RASAL2: variants seen among roughly 807,000 people sequenced by gnomAD.
RASAL2 encodes the protein ras GTPase-activating protein nGAP.
In RASAL2, 58 loss-of-function variants were observed where a neutral mutation model predicts 128.9. The observed-to-expected ratio is 0.45, with a 90% CI of 0.36 to 0.56. The LOEUF is 0.56. Ranked by LOEUF, RASAL2 falls within the 20% of genes least tolerant of loss-of-function variation. The pLI is 0.00. For synonymous variants in RASAL2, 561 were observed against 580.8 expected (o/e 0.97, Z 0.49); for missense variants, 1,360 against 1,601.6 (o/e 0.85, Z 2.57).
intron 6 of RASAL2, 144 bp downstream of exon 6, chr1:178,439,719 A>G: frequency 1.3e-6 from 1 of 744,962 alleles, no homozygotes; most frequent in Non-Finnish European, 2.0e-6. Flanking sequence ...TTACAGAGAA[A>G]AAGTTAGAAA....
intron 1 of RASAL2, among the ~76,000 whole-genome samples, chr1:178,132,890 T>C (rs904479906): frequency 6.7e-6 from 1 of 149,884 alleles, no homozygotes; most frequent in Non-Finnish European, 1.5e-5. Flanking sequence ...TGCCTCAACC[T>C]CCCAAGTAGC....
chr1:178,209,338 C>A (rs1663172796), intron 1 of RASAL2, among the ~76,000 whole-genome samples: 1 of 152,090 alleles, frequency 6.6e-6, no homozygotes, highest in African/African-American at 2.4e-5. Context: ...AATTAATTTT[C>A]ATTTTGCTGA....
chr1:178,447,764 G>C (rs1405557511), intron 9 of RASAL2, among the ~76,000 whole-genome samples: 1 of 150,556 alleles, frequency 6.6e-6, no homozygotes, highest in African/African-American at 2.5e-5. Flanking sequence ...AGAATAGAGA[G>C]GAAGACGGAT....
intron 1 of RASAL2, among the ~76,000 whole-genome samples, chr1:178,260,451 G>A (rs1360863644): frequency 1.6e-5 from 2 of 127,414 alleles, no homozygotes; most frequent in Non-Finnish European, 3.2e-5. Flanking sequence ...ATTCAAGAAA[G>A]TCTGGCACCT....
intron 3 of RASAL2, among the ~76,000 whole-genome samples, chr1:178,366,585 C>CA (rs1557933515): frequency 2.9e-5 from 2 of 69,260 alleles, no homozygotes; most frequent in African/African-American, 9.1e-5. Context: ...TACCTCCCAC[C>CA]CCCCCCCGCC....
chr1:178,307,296 A>T (rs574941367), intron 3 of RASAL2, among the ~76,000 whole-genome samples: 1 of 152,082 alleles, frequency 6.6e-6, no homozygotes, highest in Non-Finnish European at 1.5e-5. Context: ...ATTTTTTTCC[A>T]CTGAAAATGA....
chr1:178,330,659 A>G (rs1034436565), intron 3 of RASAL2, among the ~76,000 whole-genome samples: 1 of 152,190 alleles, frequency 6.6e-6, no homozygotes, highest in African/African-American at 2.4e-5. Context: ...GAAAAGAAAA[A>G]GATTTCAGAG....
intron 1 of RASAL2, among the ~76,000 whole-genome samples, chr1:178,125,836 TAGC>T (rs1315847497): frequency 6.6e-6 from 1 of 152,230 alleles, no homozygotes; most frequent in Non-Finnish European, 1.5e-5. Context: ...TATTCTAGAA[TAGC>T]AGAGAGTTCA....
intron 1 of RASAL2, among the ~76,000 whole-genome samples, chr1:178,206,016 T>C (rs1187392533): frequency 6.6e-6 from 1 of 152,192 alleles, no homozygotes. Context: ...GACATTGTTA[T>C]CCTGACACTC....
chr1:178,096,718 A>G (rs2102209763), intron 1 of RASAL2, among the ~76,000 whole-genome samples: 1 of 152,130 alleles, frequency 6.6e-6, no homozygotes, highest in Non-Finnish European at 1.5e-5. Context: ...CCAATTGCAG[A>G]CTTACCACTG....
chr1:178,285,372 G>A (rs951447079), intron 2 of RASAL2, among the ~76,000 whole-genome samples: 2 of 151,010 alleles, frequency 1.3e-5, no homozygotes, highest in African/African-American at 2.4e-5. Flanking sequence ...CACCCGCCTC[G>A]GCCTCCCAAA....
At chr1:178,382,804 C>G (rs1557945099) in intron 3 of RASAL2, among the ~76,000 whole-genome samples, 1 of 152,078 alleles carries the variant, frequency 6.6e-6, no homozygotes, top group East Asian at 1.9e-4. Flanking sequence ...TTGTACTTGT[C>G]GTTGTTATGT....
intron 1 of RASAL2, among the ~76,000 whole-genome samples, chr1:178,185,128 T>G (rs765434243): frequency 1.3e-5 from 2 of 151,954 alleles, no homozygotes; most frequent in African/African-American, 2.4e-5. Context: ...TTTTTTTAAT[T>G]TTCAAATTGT....
rs1286008839 is a variant in RASAL2 at position 178,473,061 on chromosome 1, T to A, written c.3679-14T>A. 6.2e-7 allele frequency: 1 copy of A among 1,613,904 alleles called. No homozygotes were observed. Among genetic ancestry groups the A allele is most frequent in the Admixed American group, 1.7e-5 (1 of 60,014 alleles). On this transcript the variant is annotated splice_polypyrimidine_tract_variant and intron_variant, in intron 17 of 17. Transcript: ENST00000367649. ...GCCTGTAGCCTGAATAAAGCCATGA[T>A]TGGTGTGTTGTAGGAAAAACGGATC...
At chr1:178,412,011 T>C in intron 4 of RASAL2, 1 of 525,726 alleles carries the variant, frequency 1.9e-6, no homozygotes, top group Non-Finnish European at 3.5e-6. Context: ...GGTCACCGTC[T>C]GTGAACAAGA....
At chr1:178,144,156 C>T (rs535857873) in intron 1 of RASAL2, among the ~76,000 whole-genome samples, 1 of 152,208 alleles carries the variant, frequency 6.6e-6, no homozygotes, top group East Asian at 1.9e-4. Context: ...TGTTGCTGAG[C>T]CCAGTGGACA....
intron 1 of RASAL2, among the ~76,000 whole-genome samples, chr1:178,235,239 A>G (rs760227830): frequency 2.0e-5 from 3 of 152,144 alleles, no homozygotes; most frequent in African/African-American, 7.2e-5. Context: ...GTTCCTCTCA[A>G]TGGTTAGCAT....
At chr1:178,408,357 C>T (rs1334621692) in intron 4 of RASAL2, among the ~76,000 whole-genome samples, 1 of 152,152 alleles carries the variant, frequency 6.6e-6, no homozygotes, top group East Asian at 1.9e-4. Context: ...GATATCATAA[C>T]TGTGAAAGAG....
intron 4 of RASAL2, among the ~76,000 whole-genome samples, chr1:178,416,861 C>T (rs1674790996): frequency 6.6e-6 from 1 of 151,866 alleles, no homozygotes. Flanking sequence ...TTCCTCTGTA[C>T]ATAAGGTGTT....
Sources: gnomAD v4.1 joint callset for allele counts (sites outside exome capture counted in the v4.1 genomes callset) on GRCh38, gnomAD v4.1.1 for gene constraint, MANE v1.5 for transcripts, NCBI Gene and HGNC (gene_info 2026-07-23, HGNC 2026-07-21) for gene names.